Variants in PLD5 observed in about 807,000 individuals in gnomAD.
PLD5 encodes the protein inactive phospholipase D5.
PLD5 carries 36 observed loss-of-function variants against 61.1 expected under a neutral mutation model. The ratio of observed to expected loss-of-function variants is 0.59; its 90% CI spans 0.45 to 0.78. PLD5 has a LOEUF of 0.78. Among genes scored for constraint, PLD5 ranks in the 30% least tolerant of loss-of-function variants. The probability of loss-of-function intolerance (pLI) is 0.00; values close to 1 mark genes in which losing one functional copy is unlikely to be tolerated. For missense variants in PLD5, 515 were observed against 644.4 expected, an observed-to-expected ratio of 0.80 and a Z score of 2.17; for synonymous variants, 243 against 242.8, an observed-to-expected ratio of 1.00 and a Z score of -0.01.
chr1:242,123,801 C>T (rs1553303596), intron 6 of PLD5, among the ~76,000 whole-genome samples: 1 of 152,178 alleles, frequency 6.6e-6, no homozygotes, highest in Non-Finnish European at 1.5e-5. Context: ...TTACATTGCC[C>T]CTTTCCAGTA....
chr1:242,394,949 T>TTATAATATGAA (rs1663397223), intron 1 of PLD5, among the ~76,000 whole-genome samples: 1 of 67,202 alleles, frequency 1.5e-5, no homozygotes, highest in Non-Finnish European at 2.7e-5. Flanking sequence ...ATATATATGA[T>TTATAATATGAA]TATATATGAA....
At chr1:242,124,392 C>T (rs1662620214) in intron 6 of PLD5, 76 bp downstream of exon 6, 2 of 1,440,556 alleles carry the variant, frequency 1.4e-6, no homozygotes, top group Non-Finnish European at 9.6e-7. Flanking sequence ...TACAAGATCA[C>T]ACTTAAACAT....
At chr1:242,316,932 A>G (rs1427268455) in intron 2 of PLD5, among the ~76,000 whole-genome samples, 1 of 152,000 alleles carries the variant, frequency 6.6e-6, no homozygotes, top group African/African-American at 2.4e-5. Context: ...ATGACCCTGT[A>G]AAAGACATGA....
chr1:242,103,466 C>G (rs973214807), intron 8 of PLD5, among the ~76,000 whole-genome samples: 5 of 152,242 alleles, frequency 3.3e-5, no homozygotes, highest in Admixed American at 6.5e-5. Flanking sequence ...CATTGGTGAA[C>G]TAGACACCTG....
chr1:242,170,140 G>A (rs1230100362), intron 5 of PLD5, among the ~76,000 whole-genome samples: 1 of 152,230 alleles, frequency 6.6e-6, no homozygotes, highest in East Asian at 1.9e-4. Flanking sequence ...CTGACTGGAA[G>A]ACAACTCCCA....
At chr1:242,379,201 G>A (rs368487652) in intron 1 of PLD5, among the ~76,000 whole-genome samples, 3 of 152,282 alleles carry the variant, frequency 2.0e-5, no homozygotes, top group East Asian at 3.9e-4. Context: ...TGTCTATGGT[G>A]TTTACTGAGG....
At chr1:242,214,223 G>C (rs72761292) in intron 5 of PLD5, among the ~76,000 whole-genome samples, 29 of 152,242 alleles carry the variant, frequency 1.9e-4, no homozygotes, top group Admixed American at 9.2e-4. Context: ...CAGCAGTTTG[G>C]TGGAGACCAC....
At chr1:242,368,430 T>C (rs1661457702) in intron 1 of PLD5, among the ~76,000 whole-genome samples, 1 of 152,086 alleles carries the variant, frequency 6.6e-6, no homozygotes, top group Non-Finnish European at 1.5e-5. Context: ...AAAAATTTAA[T>C]AGGCAAAAGA....
chr1:242,207,991 T>TACACACAC (rs34110062), intron 5 of PLD5, among the ~76,000 whole-genome samples: 4,278 of 40,242 alleles, frequency 0.11, 903 homozygotes, highest in East Asian at 0.23. Flanking sequence ...TATATATTTA[T>TACACACAC]ACACACACAC....
chr1:242,252,319 C>T (rs1383244877), intron 4 of PLD5, among the ~76,000 whole-genome samples: 2 of 152,176 alleles, frequency 1.3e-5, no homozygotes, highest in African/African-American at 4.8e-5. Context: ...TTGGGATGTC[C>T]ACGGAGTCAC....
intron 5 of PLD5, among the ~76,000 whole-genome samples, chr1:242,167,667 A>G (rs752099278): frequency 1.3e-5 from 2 of 152,216 alleles, no homozygotes; most frequent in Non-Finnish European, 2.9e-5. Flanking sequence ...AAAAACACTG[A>G]GTATCAGGCT....
chr1:242,455,827 C>G (rs1211626759), intron 1 of PLD5, among the ~76,000 whole-genome samples: 2 of 152,204 alleles, frequency 1.3e-5, no homozygotes, highest in East Asian at 3.8e-4. Context: ...ACAGAAGTGT[C>G]CCAAAGATGG....
intron 5 of PLD5, chr1:242,210,929 C>T (rs1669775712): frequency 6.6e-6 from 1 of 152,182 alleles, no homozygotes; most frequent in Non-Finnish European, 1.5e-5. Context: ...CCCTCTTATA[C>T]TCTGTGAAGG....
intron 4 of PLD5, among the ~76,000 whole-genome samples, chr1:242,248,306 A>G (rs543329875): frequency 1.2e-3 from 183 of 152,270 alleles, no homozygotes; most frequent in Middle Eastern, 6.8e-3. Context: ...TGCCATAAAC[A>G]GCTGTACATT....
chr1:242,411,371 G>A lies in PLD5; in HGVS notation c.190-63129C>T, dbSNP rs559548359. Among the ~76,000 whole-genome samples, 7 of 152,302 alleles carry A rather than the reference G, an allele frequency of 4.6e-5. No homozygotes were observed. The East Asian group carries it at 1.2e-3, about 25-fold the overall frequency. ...CTGCCTCAGCCTCCCGAGTAGCTGG[G>A]ACTACAGGCGCCCGCCACCACGCCC... On this transcript the variant is annotated intron_variant, in intron 1 of 9. Transcript: ENST00000536534.
intron 2 of PLD5, among the ~76,000 whole-genome samples, chr1:242,301,686 G>T (rs955348588): frequency 7.8e-4 from 119 of 152,010 alleles, no homozygotes; most frequent in African/African-American, 2.8e-3. Context: ...CATATATGAT[G>T]ATGGTCCCAT....
rs374630123 is a variant in PLD5, at chr1:242,163,786, G to A, written c.736-39121C>T. ...AAAGGAAATGGAAAGGAAGAAAGGA[G>A]AAGAGAAGATGATCAAAGAGCAGGA... On this transcript the variant is annotated intron_variant, in intron 5 of 9. Transcript: ENST00000536534. Among the ~76,000 whole-genome samples, 20 of 152,254 alleles carry A rather than the reference G, an allele frequency of 1.3e-4. 1 individual carries two copies. The East Asian group carries it at 3.3e-3, about 25-fold the overall frequency.
intron 2 of PLD5, among the ~76,000 whole-genome samples, chr1:242,303,366 T>G (rs1328419878): frequency 1.3e-5 from 2 of 152,240 alleles, no homozygotes; most frequent in African/African-American, 4.8e-5. Context: ...AGTTACAACT[T>G]GGAGGCAAAC....
At chr1:242,244,455 C>T (rs574640437) in intron 4 of PLD5, among the ~76,000 whole-genome samples, 83 of 152,300 alleles carry the variant, frequency 5.4e-4, no homozygotes, top group Admixed American at 1.0e-3. Flanking sequence ...GGAATTTATC[C>T]TTGGGAAAAC....
Sources: gnomAD v4.1 joint callset for allele counts (sites outside exome capture counted in the v4.1 genomes callset) on GRCh38, gnomAD v4.1.1 for gene constraint, MANE v1.5 for transcripts, NCBI Gene and HGNC (gene_info 2026-07-23, HGNC 2026-07-21) for gene names.